The following CSMD2 variants were observed in gnomAD, a reference collection of about 807,000 sequenced individuals.
CSMD2 encodes the protein CUB and sushi domain-containing protein 2.
A neutral mutation model predicts 398.5 loss-of-function variants in CSMD2; 130 were observed. That is an observed-to-expected ratio of 0.33 (90% CI 0.28 to 0.38). The LOEUF is 0.38. Among genes scored for constraint, CSMD2 ranks in the 10% least tolerant of loss-of-function variants. The pLI is 1.00. For missense variants in CSMD2, 3,829 were observed against 4,764.9 expected, an observed-to-expected ratio of 0.80 and a Z score of 5.78; for synonymous variants, 1,828 against 1,908.5, an observed-to-expected ratio of 0.96 and a Z score of 1.10.
chr1:33,636,635 G>A lies in CSMD2; in HGVS notation c.4775-81C>T. On this transcript the variant is annotated intron_variant, in intron 29 of 70. Coordinates refer to ENST00000373381, the MANE Select transcript of CSMD2 (RefSeq NM_001281956.2). This position sits in a 1 kb window ranked among gnomAD's most constrained non-coding sequence, Gnocchi z 4.8. ...ATTCTTGGGCTCCAGTGCCCATGAG[G>A]AGAACCCGACTTTAATTAGCCACAG... is the stretch of plus-strand genomic sequence containing the variant. 2.5e-6 allele frequency: 3 copies of A among 1,218,488 alleles called. No homozygotes were observed. The highest frequency in any genetic ancestry group is 3.5e-6 in the Non-Finnish European group (3 of 848,924). 75.5% of individuals were successfully genotyped at this position (1,218,488 alleles called of 1,614,324 possible).
chr1:33,587,129 G>A lies in CSMD2; in HGVS notation c.6896C>T (p.Pro2299Leu), dbSNP rs772240526. ...LTKCPPPTIL[P>L]NAEVVTENEE... ...ATTCTCTGTGACGACTTCGGCGTTG[G>A]GGAGGATGGTGGGAGGAGGGCATTT... The change falls in exon 45 of 71, where the codon CCC becomes CTC. Residue 2299 changes from proline to leucine, a missense_variant. Pro to Leu is a moderately conservative substitution (Grantham distance 98, BLOSUM62 -3). Transcript: ENST00000373381. The A allele has an allele frequency of 1.2e-6, 2 of 1,610,840 alleles. No homozygotes were observed. The highest frequency in any genetic ancestry group is 2.2e-5 in the East Asian group (1 of 44,846).
At chr1:33,817,766 G>GA (rs1487338573) in intron 9 of CSMD2, among the ~76,000 whole-genome samples, 1 of 152,046 alleles carries the variant, frequency 6.6e-6, no homozygotes, top group Admixed American at 6.5e-5. Flanking sequence ...TTTTTGGCAG[G>GA]AAAAAAGAGA....
chr1:33,729,423 T>C (rs908260190), intron 15 of CSMD2, among the ~76,000 whole-genome samples: 10 of 152,024 alleles, frequency 6.6e-5, no homozygotes, highest in Non-Finnish European at 1.3e-4. Flanking sequence ...AGAGTGGTAG[T>C]TGCCCGGCAG....
At chr1:34,159,993 G>A (rs182520830) in intron 1 of CSMD2, among the ~76,000 whole-genome samples, 35 of 152,354 alleles carry the variant, frequency 2.3e-4, no homozygotes, top group Middle Eastern at 6.8e-3. Flanking sequence ...AGAGAGGCCT[G>A]AAGATCAGCT....
At chr1:33,920,310 A>G (rs1643892176) in intron 4 of CSMD2, among the ~76,000 whole-genome samples, 1 of 151,392 alleles carries the variant, frequency 6.6e-6, no homozygotes, top group African/African-American at 2.4e-5. Context: ...GGGCGGATCA[A>G]CTGAGGTCAG....
In CSMD2 at chr1:33,847,007, A is replaced by G. The variant is rs1570248149; in HGVS notation, c.921-11T>C. 6.3e-7 allele frequency: 1 copy of G among 1,596,680 alleles called. No homozygotes were observed. Among genetic ancestry groups the G allele is most frequent in the East Asian group, 2.3e-5 (1 of 44,282 alleles). ...CTGGCTCCGGTGAACCTGTGGGAAC[A>G]GGAAGCAGATGGGCTCAGGGACCAG... On this transcript the variant is annotated splice_polypyrimidine_tract_variant and intron_variant, in intron 5 of 70. Transcript: ENST00000373381.
intron 1 of CSMD2, among the ~76,000 whole-genome samples, chr1:34,147,529 G>A (rs1024159500): frequency 3.3e-5 from 5 of 152,112 alleles, no homozygotes; most frequent in African/African-American, 7.2e-5. Flanking sequence ...CACCTCCCCC[G>A]GAGTGAGGAG....
At chr1:33,822,502 T>C (rs140462846) in intron 7 of CSMD2, among the ~76,000 whole-genome samples, 10 of 152,272 alleles carry the variant, frequency 6.6e-5, no homozygotes, top group Non-Finnish European at 1.0e-4. Context: ...AGGTATCCTC[T>C]TGGTTGTGTG....
chr1:33,724,068 T>C, intron 19 of CSMD2, 129 bp downstream of exon 19: 2 of 677,152 alleles, frequency 3.0e-6, no homozygotes, highest in Non-Finnish European at 5.4e-6. Flanking sequence ...TTCTTGTTGG[T>C]GAGAAAAGTT....
At chr1:34,045,072 CACACA>C (rs1558295470) in intron 2 of CSMD2, among the ~76,000 whole-genome samples, 74 of 136,706 alleles carry the variant, frequency 5.4e-4, no homozygotes, top group African/African-American at 1.8e-3. Context: ...CACACACACA[CACACA>C]CCCCTACAAA....
chr1:33,756,951 T>C (rs1301994103), intron 13 of CSMD2, among the ~76,000 whole-genome samples: 1 of 152,132 alleles, frequency 6.6e-6, no homozygotes, highest in Non-Finnish European at 1.5e-5. Flanking sequence ...ATGTGGCACA[T>C]ATACACCATG....
At chr1:33,540,457 A>C in intron 60 of CSMD2, 68 bp downstream of exon 60, 1 of 1,552,576 alleles carries the variant, frequency 6.4e-7, no homozygotes, top group Non-Finnish European at 8.8e-7. Flanking sequence ...CCAGCCACAA[A>C]GCTCCGAGGA....
intron 3 of CSMD2, among the ~76,000 whole-genome samples, chr1:33,981,499 G>T (rs1646164942): frequency 6.6e-6 from 1 of 152,334 alleles, no homozygotes; most frequent in South Asian, 2.1e-4. Flanking sequence ...GCTAGGGGCT[G>T]TTTTGAGTAC....
intron 1 of CSMD2, among the ~76,000 whole-genome samples, chr1:34,155,052 T>C (rs1640682945): frequency 6.6e-6 from 1 of 152,190 alleles, no homozygotes; most frequent in Non-Finnish European, 1.5e-5. Context: ...TGAAGACATA[T>C]ATCAAACACA....
intron 3 of CSMD2, among the ~76,000 whole-genome samples, chr1:34,008,464 C>G (rs957975214): frequency 1.2e-4 from 19 of 152,172 alleles, no homozygotes; most frequent in African/African-American, 4.6e-4. Flanking sequence ...TGAGTCAATA[C>G]AAAGAACTGC....
chr1:33,925,789 A>G (rs563443129), intron 4 of CSMD2, among the ~76,000 whole-genome samples: 4 of 152,032 alleles, frequency 2.6e-5, no homozygotes, highest in African/African-American at 9.6e-5. Flanking sequence ...GCCTTGCCTC[A>G]TGCCAGTCTC....
At chr1:33,718,082 G>A (rs367930744) in intron 19 of CSMD2, among the ~76,000 whole-genome samples, 3 of 152,270 alleles carry the variant, frequency 2.0e-5, no homozygotes, top group East Asian at 1.9e-4. Flanking sequence ...CCAAGGAAAC[G>A]GAGGCACAAA....
intron 3 of CSMD2, among the ~76,000 whole-genome samples, chr1:33,978,486 C>T (rs577581386): frequency 3.9e-4 from 60 of 152,198 alleles, no homozygotes; most frequent in African/African-American, 1.2e-3. Context: ...TATAGACAGC[C>T]GTGGGAGCTC....
intron 2 of CSMD2, among the ~76,000 whole-genome samples, chr1:34,075,157 C>T (rs545312786): frequency 6.6e-6 from 1 of 152,338 alleles, no homozygotes; most frequent in Admixed American, 6.5e-5. Context: ...GTGGCTGGAA[C>T]ATAATAGCCG....
Sources: allele counts gnomAD v4.1 joint callset (sites outside exome capture counted in the v4.1 genomes callset), GRCh38; gene constraint gnomAD v4.1.1; non-coding constraint Gnocchi (gnomAD v3.1); transcripts MANE v1.5; gene names NCBI Gene and HGNC (gene_info 2026-07-23, HGNC 2026-07-21).